The following SLC35F1 variants were observed in gnomAD, a reference collection of about 807,000 sequenced individuals.
SLC35F1 encodes the protein chromosome 6 open reading frame 169.
In SLC35F1, 14 loss-of-function variants were observed where a neutral mutation model predicts 48.7. That is an observed-to-expected ratio of 0.29 (90% CI 0.19 to 0.45). The LOEUF (loss-of-function observed/expected upper bound fraction) is 0.45. SLC35F1 is among the 20% of genes least tolerant of loss of function. The pLI, the probability that SLC35F1 is intolerant of heterozygous loss-of-function variation, is 1.00. For missense variants in SLC35F1, 404 were observed against 500.0 expected, an observed-to-expected ratio of 0.81 and a Z score of 1.83; for synonymous variants, 190 against 202.2, an observed-to-expected ratio of 0.94 and a Z score of 0.51.
chr6:117,987,786 G>C (rs1451609474), intron 1 of SLC35F1, among the ~76,000 whole-genome samples: 1 of 152,166 alleles, frequency 6.6e-6, no homozygotes, highest in Non-Finnish European at 1.5e-5. Flanking sequence ...GATTGAGCTT[G>C]TGAATTATAT....
chr6:118,091,441 TTCCCCTGC>T (rs1773071841), intron 1 of SLC35F1, among the ~76,000 whole-genome samples: 1 of 152,196 alleles, frequency 6.6e-6, no homozygotes, highest in African/African-American at 2.4e-5. Context: ...TGAAGGGCAG[TTCCCCTGC>T]ACACACTTTC....
chr6:117,999,524 G>A (rs1777056282), intron 1 of SLC35F1: 3 of 920,968 alleles, frequency 3.3e-6, no homozygotes, highest in East Asian at 4.8e-5. Context: ...TCTGCATGGG[G>A]CTGGGGTCCT....
chr6:118,118,407 C>T (rs1326857369), intron 1 of SLC35F1, among the ~76,000 whole-genome samples: 1 of 152,144 alleles, frequency 6.6e-6, no homozygotes, highest in Non-Finnish European at 1.5e-5. Context: ...CCCTTGTTAC[C>T]ATGGAAAATC....
At chr6:118,112,677 T>C (rs1773424757) in intron 1 of SLC35F1, among the ~76,000 whole-genome samples, 1 of 152,074 alleles carries the variant, frequency 6.6e-6, no homozygotes, top group Non-Finnish European at 1.5e-5. Context: ...TTAATGTATA[T>C]TGCAAACTCT....
At chr6:118,128,459 C>T (rs1016550941) in intron 1 of SLC35F1, among the ~76,000 whole-genome samples, 1 of 151,254 alleles carries the variant, frequency 6.6e-6, no homozygotes, top group African/African-American at 2.4e-5. Flanking sequence ...GACACATATA[C>T]ACCATGGAAT....
intron 2 of SLC35F1, among the ~76,000 whole-genome samples, chr6:118,200,706 T>C (rs1774863396): frequency 6.6e-6 from 1 of 152,086 alleles, no homozygotes; most frequent in Non-Finnish European, 1.5e-5. Context: ...AACACCAAGT[T>C]TTGCCTTAGA....
At chr6:118,292,165 GT>G (rs1480577217) in intron 7 of SLC35F1, among the ~76,000 whole-genome samples, 2 of 151,836 alleles carry the variant, frequency 1.3e-5, no homozygotes, top group Non-Finnish European at 2.9e-5. Context: ...TGATGCTTGG[GT>G]TCCCCTCTCA....
At chr6:118,263,988 C>T (rs944496543) in intron 3 of SLC35F1, among the ~76,000 whole-genome samples, 51 of 152,132 alleles carry the variant, frequency 3.4e-4, no homozygotes, top group Non-Finnish European at 1.0e-4. Context: ...AAACATTGTC[C>T]AAAAAATTAT....
At chr6:118,140,139 T>G (rs1773862288) in intron 1 of SLC35F1, among the ~76,000 whole-genome samples, 4 of 152,212 alleles carry the variant, frequency 2.6e-5, no homozygotes, top group African/African-American at 9.7e-5. Context: ...ATAGCAGCCT[T>G]TACTAGGTGA....
At chr6:118,251,795 A>T (rs1775578758) in intron 3 of SLC35F1, among the ~76,000 whole-genome samples, 1 of 152,058 alleles carries the variant, frequency 6.6e-6, no homozygotes, top group African/African-American at 2.4e-5. Flanking sequence ...GGCTCAGCAA[A>T]TTTTTTTGAG....
intron 7 of SLC35F1, among the ~76,000 whole-genome samples, chr6:118,289,314 A>C (rs1776089394): frequency 1.3e-5 from 2 of 152,362 alleles, no homozygotes; most frequent in Admixed American, 6.5e-5. Context: ...ACATTCATGT[A>C]CAGGTTTTAG....
At chr6:118,043,758 A>C (rs189281190) in intron 1 of SLC35F1, among the ~76,000 whole-genome samples, 2 of 152,328 alleles carry the variant, frequency 1.3e-5, no homozygotes, top group Admixed American at 1.3e-4. Flanking sequence ...ACTTTTAGAA[A>C]ATTTACCTTT....
chr6:118,275,471 T>C lies in SLC35F1; in HGVS notation c.650T>C (p.Leu217Pro), dbSNP rs749112908. The C allele has an allele frequency of 6.2e-7, 1 of 1,611,498 alleles. No individual in the cohort carries two copies. Among genetic ancestry groups the C allele is most frequent in the South Asian group, 1.1e-5 (1 of 90,462 alleles). ...GGTTGGTTCCTAGGGGAAAATAAGC[T>C]GGTAGGGGACCTTCTGGTCTTAGGA... Reference protein sequence around the residue: ...GRHQGAGENKLVGDLLVLGGA... With the variant: ...GRHQGAGENKPVGDLLVLGGA... The change falls in exon 5 of 8, where the codon CTG becomes CCG. Residue 217 changes from leucine to proline, a missense_variant. By Grantham distance (98) the Leu-to-Pro change is moderately conservative (BLOSUM62 -3). Around this residue, in one of 2 missense-constraint regions of SLC35F1, gnomAD observed 306 missense variants for 419.1 expected, o/e 0.73. Transcript: ENST00000360388.
chr6:118,304,698 C>T (rs933789802), intron 7 of SLC35F1, among the ~76,000 whole-genome samples: 1 of 152,062 alleles, frequency 6.6e-6, no homozygotes, highest in African/African-American at 2.4e-5. Context: ...TAGTATGTGG[C>T]AAGCACTATA....
chr6:118,125,277 T>C (rs1056577244), intron 1 of SLC35F1, among the ~76,000 whole-genome samples: 3 of 152,110 alleles, frequency 2.0e-5, no homozygotes, highest in African/African-American at 7.2e-5. Context: ...TGTGTCACTT[T>C]TCCCTCTGTG....
chr6:118,191,065 A>G (rs1774726428), intron 2 of SLC35F1, among the ~76,000 whole-genome samples: 1 of 152,134 alleles, frequency 6.6e-6, no homozygotes. Flanking sequence ...ATTCCAAACC[A>G]TGGAAAAAGG....
Position 118,314,563 on chromosome 6 carries a change from G to T in SLC35F1, c.*311G>T. On this transcript the variant is annotated 3_prime_UTR_variant, in exon 8 of 8. Transcript: ENST00000360388. ...TATTATGATTTGTATTATTATTATT[G>T]CTGTTACTGTTATTACACCAACTTT... is the stretch of plus-strand genomic sequence containing the variant. 1 of 319,092 alleles carries T rather than the reference G, an allele frequency of 3.1e-6. No individual in the cohort carries two copies. Among genetic ancestry groups the T allele is most frequent in the Non-Finnish European group, 5.9e-6 (1 of 168,986 alleles). 19.8% of individuals were successfully genotyped at this position (319,092 alleles called of 1,614,324 possible). A position where few individuals can be genotyped will look rare whatever the true frequency, so the allele number is the denominator to read the frequency against.
At chr6:117,969,272 A>G (rs1469205726) in intron 1 of SLC35F1, among the ~76,000 whole-genome samples, 1 of 152,226 alleles carries the variant, frequency 6.6e-6, no homozygotes, top group African/African-American at 2.4e-5. Flanking sequence ...AAACAAGAAT[A>G]TATTTTTTAT....
intron 1 of SLC35F1, among the ~76,000 whole-genome samples, chr6:117,965,921 G>C (rs1290520267): frequency 6.6e-6 from 1 of 152,076 alleles, no homozygotes; most frequent in Non-Finnish European, 1.5e-5. Context: ...TTTCTGTCTA[G>C]CTAAAGGATT....
Sources: allele counts gnomAD v4.1 joint callset (sites outside exome capture counted in the v4.1 genomes callset), GRCh38; gene constraint gnomAD v4.1.1; regional missense constraint gnomAD v4.1.1; transcripts MANE v1.5; gene names NCBI Gene and HGNC (gene_info 2026-07-23, HGNC 2026-07-21).